The following ERC1 variants were observed in gnomAD, a reference collection of about 807,000 sequenced individuals.
ERC1 encodes ELKS/RAB6-interacting/CAST family member 1, also known as RAB6 interacting protein 2.
ERC1 carries 56 observed loss-of-function variants against 132.0 expected under a neutral mutation model. The ratio of observed to expected loss-of-function variants is 0.42; its 90% confidence interval spans 0.34 to 0.53. The LOEUF is 0.53. ERC1 is among the 20% of genes least tolerant of loss of function. The probability of loss-of-function intolerance (pLI) is 0.03; values close to 1 mark genes in which losing one functional copy is unlikely to be tolerated. For synonymous variants in ERC1, 478 were observed against 476.1 expected (o/e 1.00, Z -0.05); for missense variants, 1,202 against 1,349.9 (o/e 0.89, Z 1.72).
intron 8 of ERC1, among the ~76,000 whole-genome samples, chr12:1,166,632 CTATT>C (rs1952454830): frequency 6.6e-6 from 1 of 152,028 alleles, no homozygotes; most frequent in Non-Finnish European, 1.5e-5. Flanking sequence ...TTTTCTGTAT[CTATT>C]GAGATGATCA....
chr12:1,469,957 A>G (rs989117589), intron 18 of ERC1, among the ~76,000 whole-genome samples: 4 of 145,230 alleles, frequency 2.8e-5, no homozygotes, highest in East Asian at 4.2e-4. Context: ...CCCCGGGGTC[A>G]CTCAGAGCAG....
intron 2 of ERC1, among the ~76,000 whole-genome samples, chr12:1,065,518 G>A (rs1483771356): frequency 6.9e-6 from 1 of 144,938 alleles, no homozygotes; most frequent in African/African-American, 2.5e-5. Flanking sequence ...GTGTGTGTGT[G>A]TGTTTGTATA....
At chr12:1,214,272 T>G (rs994907865) in intron 12 of ERC1, among the ~76,000 whole-genome samples, 1 of 152,206 alleles carries the variant, frequency 6.6e-6, no homozygotes. Context: ...GAGTACTAGT[T>G]CTAGGATGTT....
intron 2 of ERC1, among the ~76,000 whole-genome samples, chr12:1,073,279 G>T (rs1241602504): frequency 6.6e-6 from 1 of 150,618 alleles, no homozygotes; most frequent in Admixed American, 6.6e-5. Context: ...CCAGCCTAGC[G>T]ACAGAGCAAG....
At chr12:1,051,426 A>G (rs1415836466) in intron 2 of ERC1, among the ~76,000 whole-genome samples, 2 of 151,568 alleles carry the variant, frequency 1.3e-5, no homozygotes, top group Non-Finnish European at 2.9e-5. Flanking sequence ...ATGGTGGCTC[A>G]TGCCTGTAAT....
intron 12 of ERC1, among the ~76,000 whole-genome samples, chr12:1,205,127 A>AT (rs374861376): frequency 6.6e-6 from 1 of 152,200 alleles, no homozygotes; most frequent in African/African-American, 2.4e-5. Flanking sequence ...TATTATTTTG[A>AT]TTTTTTAGTT....
In ERC1 at chr12:1,215,197, T is replaced by C. The variant is rs186411142; in HGVS notation, c.2352-21572T>C. ...TCATTGTCTTCAGGTATTACTGTTATAATTGTCATGGGCCAATGAGAAAAG... is the reference window on the plus strand; with the variant it reads ...TCATTGTCTTCAGGTATTACTGTTACAATTGTCATGGGCCAATGAGAAAAG... On this transcript the variant is annotated intron_variant, in intron 12 of 18. Coordinates refer to ENST00000360905, the MANE Select transcript of ERC1 (RefSeq NM_178040.4). Among the ~76,000 whole-genome samples the C allele has an allele frequency of 3.3e-5, 5 of 152,362 alleles. No individual in the cohort carries two copies. In the East Asian group the frequency reaches 5.8e-4, roughly 18 times the overall value.
At chr12:1,344,043 G>T (rs185020635) in intron 15 of ERC1, among the ~76,000 whole-genome samples, 2 of 152,008 alleles carry the variant, frequency 1.3e-5, no homozygotes, top group Non-Finnish European at 2.9e-5. Flanking sequence ...GGGTTTCACC[G>T]TGTTAGCCAG....
intron 3 of ERC1, among the ~76,000 whole-genome samples, chr12:1,096,340 A>C (rs1944035520): frequency 6.6e-6 from 1 of 152,236 alleles, no homozygotes. Flanking sequence ...ATTTTTTAAA[A>C]AATGCAGTTT....
chr12:1,144,830 A>G lies in ERC1; in HGVS notation c.1737+3043A>G, dbSNP rs144007034. ...ATACCAGTAGTGGGATTGCTGGATC[A>G]AATGGTAGGTCCACTTTTAGTTAAG... On this transcript the variant is annotated intron_variant, in intron 8 of 18. Transcript: ENST00000360905. Among the ~76,000 whole-genome samples the G allele has an allele frequency of 5.2e-3, 791 of 152,178 alleles. 4 individuals carry two copies. The highest frequency in any genetic ancestry group is 9.3e-3 in the Non-Finnish European group (631 of 68,014).
At chr12:1,007,536 CTCTCTG>C (rs1187520854) in intron 1 of ERC1, among the ~76,000 whole-genome samples, 16 of 61,368 alleles carry the variant, frequency 2.6e-4, no homozygotes, top group African/African-American at 6.6e-4. Context: ...CTCTCTCTCT[CTCTCTG>C]TGTGTGTGTG....
At chr12:1,293,946 T>G (rs1036713950) in intron 15 of ERC1, among the ~76,000 whole-genome samples, 1 of 152,206 alleles carries the variant, frequency 6.6e-6, no homozygotes, top group Non-Finnish European at 1.5e-5. Flanking sequence ...TTGAATGTTA[T>G]GTAGGAAACC....
At chr12:1,272,270 G>A (rs891134982) in intron 14 of ERC1, among the ~76,000 whole-genome samples, 3 of 152,206 alleles carry the variant, frequency 2.0e-5, no homozygotes, top group Non-Finnish European at 4.4e-5. Flanking sequence ...TACTTCTGTT[G>A]TCACCACCAC....
intron 12 of ERC1, among the ~76,000 whole-genome samples, chr12:1,196,838 C>CTCTCTG (rs1254921757): frequency 1.0e-5 from 1 of 99,402 alleles, no homozygotes; most frequent in Non-Finnish European, 2.1e-5. Flanking sequence ...CTCTGTCTGT[C>CTCTCTG]TCTCTGTCTG....
intron 12 of ERC1, among the ~76,000 whole-genome samples, chr12:1,198,609 T>C (rs1422360584): frequency 6.6e-6 from 1 of 152,240 alleles, no homozygotes; most frequent in East Asian, 1.9e-4. Context: ...GTTCTCATGC[T>C]GCTATAAAGA....
At chr12:1,083,069 TTTC>T (rs1446413994) in intron 2 of ERC1, 92 bp from the exon 3 acceptor site, 1 of 1,043,876 alleles carries the variant, frequency 9.6e-7, no homozygotes, top group Admixed American at 2.4e-5. Context: ...TAGATGCAGA[TTTC>T]TTGTAGCTAT....
At chr12:1,168,479 CT>C (rs746267742) in intron 8 of ERC1, among the ~76,000 whole-genome samples, 118 of 91,958 alleles carry the variant, frequency 1.3e-3, no homozygotes, top group South Asian at 2.7e-3. Context: ...AGTGACTGGT[CT>C]TTTTTTTTTT....
At chr12:1,230,856 T>A (rs1317874304) in intron 12 of ERC1, among the ~76,000 whole-genome samples, 2 of 152,210 alleles carry the variant, frequency 1.3e-5, no homozygotes, top group African/African-American at 2.4e-5. Context: ...GAAAGTCTAT[T>A]GTGTCTGATA....
At chr12:1,184,221 AT>A (rs1489617775) in intron 11 of ERC1, among the ~76,000 whole-genome samples, 6 of 151,992 alleles carry the variant, frequency 3.9e-5, no homozygotes, top group Admixed American at 6.6e-5. Flanking sequence ...GAGACTCAGA[AT>A]AATTGTTAAA....
Sources: allele counts gnomAD v4.1 joint callset (sites outside exome capture counted in the v4.1 genomes callset), GRCh38; gene constraint gnomAD v4.1.1; transcripts MANE v1.5; gene names NCBI Gene and HGNC (gene_info 2026-07-23, HGNC 2026-07-21).